Variants in ZBTB38 observed in about 807,000 individuals in gnomAD.
ZBTB38 encodes the protein zinc finger and BTB domain containing 38, also known as zinc finger and BTB domain-containing protein 38.
ZBTB38 carries 20 observed loss-of-function variants against 76.8 expected under a neutral mutation model. The observed-to-expected ratio is 0.26, with a 90% CI of 0.18 to 0.38. The LOEUF (loss-of-function observed/expected upper bound fraction) is 0.38, where lower values mean the gene tolerates loss of function less well. Among genes scored for constraint, ZBTB38 ranks in the 10% least tolerant of loss-of-function variants. The probability of loss-of-function intolerance (pLI) is 1.00; values close to 1 mark genes in which losing one functional copy is unlikely to be tolerated. For missense variants in ZBTB38, 1,082 were observed against 1,482.3 expected, an observed-to-expected ratio of 0.73 and a Z score of 4.43; for synonymous variants, 504 against 544.2, an observed-to-expected ratio of 0.93 and a Z score of 1.03.
At chr3:141,400,112 C>T (rs1374615292) in intron 4 of ZBTB38, among the ~76,000 whole-genome samples, 1 of 145,532 alleles carries the variant, frequency 6.9e-6, no homozygotes, top group East Asian at 2.1e-4. Flanking sequence ...ATAATTATGA[C>T]AACTTGGGCC....
chr3:141,415,393 A>G (rs1427977016), intron 5 of ZBTB38, among the ~76,000 whole-genome samples: 1 of 152,086 alleles, frequency 6.6e-6, no homozygotes, highest in Non-Finnish European at 1.5e-5. Context: ...GACCAAAGAA[A>G]AGCCATCAGA....
rs760104396 is a variant in ZBTB38 at position 141,443,859 on chromosome 3, C to T, written c.1471C>T (p.His491Tyr). ...VHSWRRTYPC[H>Y]YCNKVFALAE... Reference sequence around the variant, plus strand: ...CTCCTGGAGAAGAACATATCCTTGCCATTACTGCAACAAAGTATTTGCATT... The same window carrying T: ...CTCCTGGAGAAGAACATATCCTTGCTATTACTGCAACAAAGTATTTGCATT... The change falls in exon 6 of 6, where the codon CAT (histidine) becomes TAT (tyrosine). Residue 491 changes from histidine to tyrosine, a missense_variant. His to Tyr is a moderately conservative substitution (Grantham distance 83, BLOSUM62 2). Transcript: ENST00000321464. This position sits in a 1 kb window ranked among gnomAD's most constrained non-coding sequence, Gnocchi z 5.6. 1 of 1,614,056 alleles carries T rather than the reference C, an allele frequency of 6.2e-7. No individual in the cohort carries two copies. Among genetic ancestry groups the T allele is most frequent in the East Asian group, 2.2e-5 (1 of 44,882 alleles).
intron 4 of ZBTB38, chr3:141,402,957 C>G (rs975393507): frequency 2.6e-5 from 4 of 152,272 alleles, no homozygotes; most frequent in African/African-American, 9.7e-5. Context: ...TTGAAAGGGA[C>G]GTGCAAAGGC....
chr3:141,409,654 C>G (rs912422991), intron 5 of ZBTB38, among the ~76,000 whole-genome samples: 4 of 152,318 alleles, frequency 2.6e-5, no homozygotes, highest in Non-Finnish European at 5.9e-5. Flanking sequence ...ATATCCCTAA[C>G]CTATCCTTAT....
chr3:141,446,177 A>G lies in ZBTB38; in HGVS notation c.*201A>G. The G allele has an allele frequency of 2.4e-6, 1 of 424,654 alleles. No homozygotes were observed. The highest frequency in any genetic ancestry group is 4.0e-6 in the Non-Finnish European group (1 of 247,976). 26.3% of individuals were successfully genotyped at this position (424,654 alleles called of 1,614,324 possible). The stretch of plus-strand genomic sequence containing the variant: ...ATTAACTTTATGCAAAGTGCACAAA[A>G]ACAAAATAGCTGACTCCTCCAATAT... On this transcript the variant is annotated 3_prime_UTR_variant, in exon 6 of 6. Transcript: ENST00000321464.
rs201489288 is a variant in ZBTB38 at position 141,443,777 on chromosome 3, T to C, written c.1389T>C (p.Val463=). 2.5e-6 allele frequency: 4 copies of C among 1,613,950 alleles called. No individual in the cohort carries two copies. The Admixed American group carries it at 5.0e-5, about 20-fold the overall frequency. The change falls in exon 6 of 6, where the codon GTT becomes GTC. Residue 463 remains valine, a synonymous_variant. Coordinates refer to ENST00000321464, the MANE Select transcript of ZBTB38 (RefSeq NM_001376113.1). This position sits in a 1 kb window ranked among gnomAD's most constrained non-coding sequence, Gnocchi z 5.6. ...ATGGGCAAATGCTCTACAGTTGCGTTGTGTGCAAACGTAGTTATGTGACCT... is the reference window on the plus strand; with the variant it reads ...ATGGGCAAATGCTCTACAGTTGCGTCGTGTGCAAACGTAGTTATGTGACCT... ...FVNGQMLYSC[V]VCKRSYVTLS... is the part of the protein sequence containing the mutation.
intron 4 of ZBTB38, among the ~76,000 whole-genome samples, chr3:141,397,716 G>GGTA (rs1325539149): frequency 2.6e-5 from 4 of 152,186 alleles, no homozygotes; most frequent in Non-Finnish European, 5.9e-5. Flanking sequence ...GAGGAAGAGA[G>GGTA]GTAGGGAATG....
chr3:141,443,824 C>A lies in ZBTB38; in HGVS notation c.1436C>A (p.Ala479Glu), dbSNP rs1298451848. The A allele has an allele frequency of 4.3e-6, 7 of 1,613,966 alleles. No homozygotes were observed. Among genetic ancestry groups the A allele is most frequent in the Non-Finnish European group, 5.9e-6 (7 of 1,180,028 alleles). Residue 479 changes from alanine to glutamate, a missense_variant, in exon 6 of 6, where the codon GCA becomes GAA. Physicochemically the swap from Ala to Glu is moderately radical, Grantham distance 107. Transcript: ENST00000321464. The surrounding 1 kb of genome is among the most constrained non-coding windows in gnomAD (Gnocchi z 5.6). ...ACCTTATCTAGCCTCCGAAGACATG[C>A]AAATGTTCACTCCTGGAGAAGAACA... ...YVTLSSLRRH[A>E]NVHSWRRTYP...
At position 141,393,568 on chromosome 3, in the gene ZBTB38, C is replaced by A. The variant is rs532276787; in HGVS notation, c.-106+6631C>A. ...GTACTCAGGGTACTGGGGAACAGTG[C>A]GGAAGAGAATGGGGTGGTCATCTGG... On this transcript the variant is annotated intron_variant, in intron 4 of 5. Transcript: ENST00000321464. 5.3e-5 allele frequency among the ~76,000 whole-genome samples: 8 copies of A among 152,070 alleles called. No homozygotes were observed. The South Asian group carries it at 1.5e-3, about 28-fold the overall frequency.
chr3:141,348,853 C>A (rs56199815), intron 1 of ZBTB38, among the ~76,000 whole-genome samples: 2,720 of 152,054 alleles, frequency 0.018, 39 homozygotes, highest in Non-Finnish European at 0.027. Flanking sequence ...GGACTCCCGG[C>A]AGAGAAGCAA....
chr3:141,438,483 A>C (rs1206507623), intron 5 of ZBTB38: 2 of 151,268 alleles, frequency 1.3e-5, no homozygotes, highest in East Asian at 3.9e-4. Context: ...CGGCCTCCCA[A>C]AGTGCTGGGA....
At chr3:141,426,292 G>A in intron 5 of ZBTB38, 3 of 817,460 alleles carry the variant, frequency 3.7e-6, no homozygotes, top group Non-Finnish European at 5.3e-6. Flanking sequence ...CCCTGGCTCA[G>A]TGTCAGTGAT....
intron 1 of ZBTB38, among the ~76,000 whole-genome samples, chr3:141,331,631 A>G (rs1186540447): frequency 1.3e-5 from 2 of 152,094 alleles, no homozygotes; most frequent in Admixed American, 6.5e-5. Context: ...TGCTGGTTTT[A>G]GGAGAGACTT....
In ZBTB38 at chr3:141,443,848, C is replaced by G; in HGVS notation, c.1460C>G (p.Thr487Arg). 6.2e-7 allele frequency: 1 copy of G among 1,614,084 alleles called. No individual in the cohort carries two copies. The highest frequency in any genetic ancestry group is 1.1e-5 in the South Asian group (1 of 91,088). Residue 487 changes from threonine (T) to arginine (R), a missense_variant, in exon 6 of 6, where the codon ACA (threonine) becomes AGA (arginine). Physicochemically the swap from Thr to Arg is moderately conservative, Grantham distance 71. Coordinates refer to ENST00000321464, the MANE Select transcript of ZBTB38 (RefSeq NM_001376113.1). The surrounding 1 kb of genome is among the most constrained non-coding windows in gnomAD (Gnocchi z 5.6). ...GCAAATGTTCACTCCTGGAGAAGAA[C>G]ATATCCTTGCCATTACTGCAACAAA... Reference protein sequence around the residue: ...RHANVHSWRRTYPCHYCNKVF... With the variant: ...RHANVHSWRRRYPCHYCNKVF...
At chr3:141,325,126 T>C (rs1942633942) in intron 1 of ZBTB38, among the ~76,000 whole-genome samples, 1 of 152,220 alleles carries the variant, frequency 6.6e-6, no homozygotes, top group African/African-American at 2.4e-5. Context: ...GGTGATAGAA[T>C]TGACTGCAAC....
At chr3:141,380,820 A>G (rs896291849) in intron 2 of ZBTB38, among the ~76,000 whole-genome samples, 2 of 152,308 alleles carry the variant, frequency 1.3e-5, no homozygotes, top group African/African-American at 2.4e-5. Flanking sequence ...AATGTCATGT[A>G]TCTGAGAGAA....
At chr3:141,437,280 C>T (rs766279978) in intron 5 of ZBTB38, among the ~76,000 whole-genome samples, 1 of 152,168 alleles carries the variant, frequency 6.6e-6, no homozygotes, top group Admixed American at 6.5e-5. Flanking sequence ...TCCCTTTTCT[C>T]CTCTTGTCCA....
At chr3:141,341,569 T>G (rs1943200041) in intron 1 of ZBTB38, among the ~76,000 whole-genome samples, 1 of 152,206 alleles carries the variant, frequency 6.6e-6, no homozygotes, top group African/African-American at 2.4e-5. Flanking sequence ...AAGGGCAGAA[T>G]CCTGTGAAGC....
upstream of ZBTB38, chr3:141,367,510 G>A (rs1201879160): frequency 6.6e-6 from 1 of 152,254 alleles, no homozygotes; most frequent in Non-Finnish European, 1.5e-5. Flanking sequence ...GTGGTTTCAA[G>A]TCCCATCTTT....
Sources: gnomAD v4.1 joint callset for allele counts (sites outside exome capture counted in the v4.1 genomes callset) on GRCh38, gnomAD v4.1.1 for gene constraint, Gnocchi (gnomAD v3.1) non-coding constraint, MANE v1.5 for transcripts, NCBI Gene and HGNC (gene_info 2026-07-23, HGNC 2026-07-21) for gene names.